PTPRK: variants seen among roughly 807,000 people sequenced by gnomAD.
The protein encoded by PTPRK is protein tyrosine phosphatase receptor type K.
Under a neutral mutation model 178.0 loss-of-function variants are expected in PTPRK, and 75 were observed. The ratio of observed to expected loss-of-function variants is 0.42; its 90% CI spans 0.35 to 0.51. PTPRK has a LOEUF of 0.51. PTPRK is among the 20% of genes least tolerant of loss of function. The pLI is 0.02. For synonymous variants in PTPRK, 637 were observed against 620.6 expected, an observed-to-expected ratio of 1.03 and a Z score of -0.39; for missense variants, 1,441 against 1,797.8, an observed-to-expected ratio of 0.80 and a Z score of 3.59.
In PTPRK at chr6:127,991,405, A is replaced by G; in HGVS notation, c.2882-14T>C. 1 of 1,546,326 alleles carries G rather than the reference A, an allele frequency of 6.5e-7. No homozygotes were observed. Among genetic ancestry groups the G allele is most frequent in the Non-Finnish European group, 8.7e-7 (1 of 1,144,160 alleles). ...CATGAACGGGACCTACAAAGAAATT[A>G]ATTTGAATATTATGTTATCAAAGGA... is the stretch of plus-strand genomic sequence containing the variant. On this transcript the variant is annotated splice_polypyrimidine_tract_variant and intron_variant, in intron 19 of 29. Transcript: ENST00000368226.
At chr6:128,456,640 T>C (rs565772606) in intron 1 of PTPRK, among the ~76,000 whole-genome samples, 1 of 152,252 alleles carries the variant, frequency 6.6e-6, no homozygotes, top group Non-Finnish European at 1.5e-5. Context: ...TAATTTAAGG[T>C]TGAAGTACCA....
intron 7 of PTPRK, among the ~76,000 whole-genome samples, chr6:128,144,772 C>T (rs1796242787): frequency 6.6e-6 from 1 of 152,122 alleles, no homozygotes; most frequent in African/African-American, 2.4e-5. Flanking sequence ...TTTAATAGTA[C>T]TGAATAAATG....
intron 6 of PTPRK, among the ~76,000 whole-genome samples, chr6:128,188,559 A>G (rs574541210): frequency 6.6e-6 from 1 of 152,178 alleles, no homozygotes; most frequent in Non-Finnish European, 1.5e-5. Context: ...GTATCGTAAG[A>G]TTAGTCCTAC....
At position 128,004,165 on chromosome 6, in the gene PTPRK, A is replaced by AT. The variant is rs548011964; in HGVS notation, c.2494+918dup. 2.7e-3 allele frequency among the ~76,000 whole-genome samples: 409 copies of AT among 151,928 alleles called. 1 individual carries two copies. Among genetic ancestry groups the AT allele is most frequent in the Non-Finnish European group, 4.6e-3 (314 of 67,844 alleles). The stretch of plus-strand genomic sequence containing the variant: ...CCATGTTTTCCAAACCGGGGTGAGC[A>AT]TATCTCTGCGATCTGAGCCAAATGC... On this transcript the variant is annotated intron_variant, in intron 15 of 29. Transcript: ENST00000368226.
At chr6:128,059,945 T>C (rs1780533512) in intron 13 of PTPRK, among the ~76,000 whole-genome samples, 1 of 152,174 alleles carries the variant, frequency 6.6e-6, no homozygotes, top group African/African-American at 2.4e-5. Flanking sequence ...GGGGTTGGGA[T>C]GAAAACAGTG....
In PTPRK at chr6:128,397,683, A is replaced by G. The variant is rs1220815934; in HGVS notation, c.106T>C (p.Cys36Arg). The G allele has an allele frequency of 4.3e-6, 7 of 1,613,382 alleles. No individual in the cohort carries two copies. The highest frequency in any genetic ancestry group is 5.9e-6 in the Non-Finnish European group (7 of 1,179,386). Reference protein sequence around the residue: ...SAQGQFSAGGCTFDDGPGACD... With the variant: ...SAQGQFSAGGRTFDDGPGACD... ...GCCCCTGGACCATCATCAAAAGTACAGCCACCTAGGAGAAAAGAAGACTAC... is the reference window on the plus strand; with the variant it reads ...GCCCCTGGACCATCATCAAAAGTACGGCCACCTAGGAGAAAAGAAGACTAC... The change falls in exon 2 of 30, where the codon TGT becomes CGT. Residue 36 changes from cysteine (C) to arginine (R), a missense_variant. Physicochemically the swap from Cys to Arg is radical, Grantham distance 180. Around this residue, in one of 4 missense-constraint regions of PTPRK, gnomAD observed 158 missense variants for 188.0 expected, o/e 0.84. Coordinates refer to ENST00000368226, the MANE Select transcript of PTPRK (RefSeq NM_002844.4).
rs1858585717 is a variant in PTPRK, at chr6:128,519,198, G to A, written c.100+1061C>T. 2 of 457,380 alleles carry A rather than the reference G, an allele frequency of 4.4e-6. No individual in the cohort carries two copies. The highest frequency in any genetic ancestry group is 9.0e-6 in the Non-Finnish European group (2 of 222,272). The allele number at this position is 457,380 out of a possible 1,614,324, so 28.3% of individuals were successfully genotyped here. A position where few individuals can be genotyped will look rare whatever the true frequency, so the allele number is the denominator to read the frequency against. On this transcript the variant is annotated intron_variant, in intron 1 of 29. Coordinates refer to ENST00000368226, the MANE Select transcript of PTPRK (RefSeq NM_002844.4). The surrounding 1 kb of genome is among the most constrained non-coding windows in gnomAD (Gnocchi z 4.3). ...CTGGCGGGAGGTAGACAAGTGCTCG[G>A]GAGCCCGCTCCCCAGCGTCCACCTG...
chr6:128,264,102 G>T (rs1818591142), intron 3 of PTPRK, among the ~76,000 whole-genome samples: 1 of 152,138 alleles, frequency 6.6e-6, no homozygotes, highest in South Asian at 2.1e-4. Context: ...CATGACAAAA[G>T]AAGAAAAGCC....
chr6:128,328,319 C>T (rs1829838554), intron 2 of PTPRK, among the ~76,000 whole-genome samples: 1 of 152,148 alleles, frequency 6.6e-6, no homozygotes, highest in African/African-American at 2.4e-5. Flanking sequence ...AACTGGCACC[C>T]TATCTAACAA....
At chr6:128,417,841 G>A (rs774991287) in intron 1 of PTPRK, among the ~76,000 whole-genome samples, 1 of 152,146 alleles carries the variant, frequency 6.6e-6, no homozygotes, top group Non-Finnish European at 1.5e-5. Context: ...GAAGAAAAAG[G>A]AACGTGGTCC....
intron 1 of PTPRK, among the ~76,000 whole-genome samples, chr6:128,404,449 A>G (rs1241261040): frequency 6.6e-6 from 1 of 152,258 alleles, no homozygotes; most frequent in Non-Finnish European, 1.5e-5. Context: ...CATAAATGAA[A>G]TAAAATGAAG....
chr6:128,158,285 G>A (rs1336617212), intron 7 of PTPRK, among the ~76,000 whole-genome samples: 1 of 151,774 alleles, frequency 6.6e-6, no homozygotes, highest in East Asian at 1.9e-4. Flanking sequence ...GGGGAGTGAA[G>A]GCATTAGGAG....
chr6:128,495,880 C>T (rs187339132), intron 1 of PTPRK, among the ~76,000 whole-genome samples: 1 of 152,270 alleles, frequency 6.6e-6, no homozygotes, highest in East Asian at 1.9e-4. Context: ...ACTGCATTCT[C>T]TCCAATGCAC....
At chr6:127,988,712 C>T (rs1583528344) in intron 21 of PTPRK, among the ~76,000 whole-genome samples, 1 of 151,878 alleles carries the variant, frequency 6.6e-6, no homozygotes, top group African/African-American at 2.4e-5. Context: ...TCTGTGTTTT[C>T]TAATATTGTA....
At chr6:128,289,711 A>G (rs1363704731) in intron 3 of PTPRK, among the ~76,000 whole-genome samples, 2 of 152,106 alleles carry the variant, frequency 1.3e-5, no homozygotes, top group Non-Finnish European at 2.9e-5. Context: ...TGCCACCGTA[A>G]TATACTTTAT....
At chr6:128,190,933 A>T (rs559335238) in intron 6 of PTPRK, among the ~76,000 whole-genome samples, 32 of 152,312 alleles carry the variant, frequency 2.1e-4, no homozygotes, top group African/African-American at 7.7e-4. Context: ...GTAGGTATCA[A>T]TCAGAAGGAG....
At chr6:128,463,270 T>C (rs548235981) in intron 1 of PTPRK, among the ~76,000 whole-genome samples, 36 of 152,304 alleles carry the variant, frequency 2.4e-4, no homozygotes, top group Non-Finnish European at 5.0e-4. Context: ...GTTTGTCCTA[T>C]ATTCTCTCTG....
intron 2 of PTPRK, among the ~76,000 whole-genome samples, chr6:128,344,752 G>C (rs1318518941): frequency 6.6e-6 from 1 of 152,052 alleles, no homozygotes; most frequent in African/African-American, 2.4e-5. Context: ...CTAGGCTAAA[G>C]TCATCTGCCT....
intron 13 of PTPRK, among the ~76,000 whole-genome samples, chr6:128,014,826 T>C (rs148890200): frequency 2.6e-5 from 4 of 151,810 alleles, no homozygotes; most frequent in East Asian, 1.9e-4. Flanking sequence ...TTGAAGTAAT[T>C]TGGCTTCCTC....
Sources: allele counts gnomAD v4.1 joint callset (sites outside exome capture counted in the v4.1 genomes callset), GRCh38; gene constraint gnomAD v4.1.1; regional missense constraint gnomAD v4.1.1; non-coding constraint Gnocchi (gnomAD v3.1); transcripts MANE v1.5; gene names NCBI Gene and HGNC (gene_info 2026-07-23, HGNC 2026-07-21).